Variants in ITGA8 observed in about 807,000 individuals in gnomAD.
The protein encoded by ITGA8 is integrin alpha-8.
ITGA8 carries 91 observed loss-of-function variants against 142.3 expected under a neutral mutation model. That is an observed-to-expected ratio of 0.64 (90% CI 0.54 to 0.76). ITGA8 has a LOEUF of 0.76. Among genes scored for constraint, ITGA8 ranks in the 30% least tolerant of loss-of-function variants. ITGA8 has a pLI of 0.00. For missense variants in ITGA8, 1,406 were observed against 1,327.7 expected, an observed-to-expected ratio of 1.06 and a Z score of -0.92; for synonymous variants, 505 against 485.2, an observed-to-expected ratio of 1.04 and a Z score of -0.54.
At chr10:15,717,375 A>G (rs535627880) in intron 2 of ITGA8, among the ~76,000 whole-genome samples, 2 of 152,316 alleles carry the variant, frequency 1.3e-5, no homozygotes, top group Non-Finnish European at 2.9e-5. Flanking sequence ...AATTATTAAA[A>G]TGGCATTAAT....
At chr10:15,521,031 T>G (rs1407444538) in intron 28 of ITGA8, among the ~76,000 whole-genome samples, 1 of 152,156 alleles carries the variant, frequency 6.6e-6, no homozygotes, top group Non-Finnish European at 1.5e-5. Context: ...GTTTCTTTGT[T>G]TTTGTGAGAC....
At chr10:15,595,133 T>C (rs1832991558) in intron 21 of ITGA8, among the ~76,000 whole-genome samples, 1 of 152,232 alleles carries the variant, frequency 6.6e-6, no homozygotes, top group African/African-American at 2.4e-5. Context: ...TGGAAATGAC[T>C]TTACTATTTA....
At chr10:15,569,784 A>C (rs1834146273) in intron 25 of ITGA8, among the ~76,000 whole-genome samples, 1 of 152,166 alleles carries the variant, frequency 6.6e-6, no homozygotes, top group Non-Finnish European at 1.5e-5. Flanking sequence ...TAAAATTAAA[A>C]ATTTCTCAGA....
intron 28 of ITGA8, among the ~76,000 whole-genome samples, chr10:15,524,607 G>T (rs1833132871): frequency 6.6e-6 from 1 of 152,218 alleles, no homozygotes; most frequent in Admixed American, 6.5e-5. Context: ...GGCATTCCAT[G>T]TGCAGGTGGA....
At chr10:15,656,881 G>A (rs1834195433) in intron 10 of ITGA8, among the ~76,000 whole-genome samples, 1 of 152,188 alleles carries the variant, frequency 6.6e-6, no homozygotes, top group African/African-American at 2.4e-5. Context: ...AGGAGGCAGA[G>A]ACTTTGGTCT....
chr10:15,696,461 C>T (rs1174373367), intron 2 of ITGA8, among the ~76,000 whole-genome samples: 2 of 151,936 alleles, frequency 1.3e-5, no homozygotes, highest in Non-Finnish European at 2.9e-5. Context: ...TCTAAGGATC[C>T]GAACAGGCAT....
In ITGA8 at chr10:15,540,965, C is replaced by T. The variant is rs138154251; in HGVS notation, c.2880+7490G>A. Among the ~76,000 whole-genome samples, 212 of 152,334 alleles carry T rather than the reference C, an allele frequency of 1.4e-3. 1 individual carries two copies. Among genetic ancestry groups the T allele is most frequent in the African/African-American group, 4.8e-3 (199 of 41,586 alleles). ...AAGTTATTGCCCATTTCCATGGCAA[C>T]GACCTGGAAGTTATTGCCCCTTTGC... On this transcript the variant is annotated intron_variant, in intron 27 of 29. Transcript: ENST00000378076.
At chr10:15,661,400 C>T (rs1417949323) in intron 8 of ITGA8, among the ~76,000 whole-genome samples, 14 of 152,296 alleles carry the variant, frequency 9.2e-5, no homozygotes, top group East Asian at 5.8e-4. Flanking sequence ...AAAACGGTTG[C>T]GGATTGCTGA....
Position 15,619,294 on chromosome 10 carries a change from AT to A in ITGA8, c.1400-2736del, listed in dbSNP as rs200456653. Among the ~76,000 whole-genome samples the A allele has an allele frequency of 4.2e-3, 641 of 152,270 alleles. 3 individuals carry two copies. Among genetic ancestry groups the A allele is most frequent in the African/African-American group, 0.015 (604 of 41,554 alleles). ...CTAAGACACAATAATACTTGTTAAA[AT>A]TTAAAAAAAAATGATCTGAAAGTTC... On this transcript the variant is annotated intron_variant, in intron 13 of 29. Coordinates refer to ENST00000378076, the MANE Select transcript of ITGA8 (RefSeq NM_003638.3).
intron 25 of ITGA8, among the ~76,000 whole-genome samples, chr10:15,562,221 T>C (rs1833997427): frequency 6.6e-6 from 1 of 152,104 alleles, no homozygotes; most frequent in African/African-American, 2.4e-5. Context: ...GATAGAGCTA[T>C]TGCGTAGGAA....
intron 13 of ITGA8, among the ~76,000 whole-genome samples, chr10:15,619,430 T>G (rs1192839510): frequency 6.6e-6 from 1 of 152,224 alleles, no homozygotes; most frequent in Non-Finnish European, 1.5e-5. Flanking sequence ...AACATGTGCA[T>G]GCTGATGTTC....
At chr10:15,574,726 C>T (rs186218514) in intron 24 of ITGA8, among the ~76,000 whole-genome samples, 160 of 150,482 alleles carry the variant, frequency 1.1e-3, no homozygotes, top group African/African-American at 3.8e-3. Flanking sequence ...TTTTTTTTAG[C>T]ACAATAATGA....
rs745331218 is a variant in ITGA8, at chr10:15,660,882, T to C, written c.888A>G (p.Gly296=). 1.2e-6 allele frequency: 2 copies of C among 1,613,342 alleles called. No individual in the cohort carries two copies. The highest frequency in any genetic ancestry group is 1.7e-6 in the Non-Finnish European group (2 of 1,179,414). Residue 296 remains glycine (G), a synonymous_variant, in exon 9 of 30, where the codon GGA becomes GGG. Transcript: ENST00000378076. ...AGIPRGAQNF[G]YVSIINSTDM... The stretch of plus-strand genomic sequence containing the variant: ...GTAATGCATTCTCAGTACTCACATA[T>C]CCAAAATTCTGTGCTCCTCTTGGAA...
intron 20 of ITGA8, among the ~76,000 whole-genome samples, chr10:15,597,700 T>C (rs944314409): frequency 1.3e-5 from 2 of 152,194 alleles, no homozygotes; most frequent in African/African-American, 4.8e-5. Context: ...GTATAGATTA[T>C]CATATGATTC....
chr10:15,604,772 A>G (rs1383588856), intron 19 of ITGA8, among the ~76,000 whole-genome samples: 1 of 152,106 alleles, frequency 6.6e-6, no homozygotes, highest in East Asian at 1.9e-4. Context: ...ATACATTAGG[A>G]AGAAAATGGG....
chr10:15,565,241 C>G (rs34455859), intron 25 of ITGA8, among the ~76,000 whole-genome samples: 4,100 of 152,284 alleles, frequency 0.027, 152 homozygotes, highest in East Asian at 0.12. Context: ...ACAGACTGAC[C>G]AGGTCCAGGG....
intron 21 of ITGA8, among the ~76,000 whole-genome samples, chr10:15,593,736 A>G (rs946663138): frequency 1.3e-5 from 2 of 152,172 alleles, no homozygotes; most frequent in Non-Finnish European, 2.9e-5. Flanking sequence ...ATTGCTCCAA[A>G]CAGTCCTACA....
At chr10:15,683,407 G>A in intron 4 of ITGA8, among the ~76,000 whole-genome samples, 1 of 149,412 alleles carries the variant, frequency 6.7e-6, no homozygotes. Context: ...ATGCCCCAAA[G>A]ATGACACTCC....
chr10:15,566,831 G>A (rs1834089241), intron 25 of ITGA8, among the ~76,000 whole-genome samples: 1 of 126,784 alleles, frequency 7.9e-6, no homozygotes, highest in Non-Finnish European at 1.7e-5. Context: ...AAAAAAAAGA[G>A]GCCGGGTGCA....
Sources: gnomAD v4.1 joint callset for allele counts (sites outside exome capture counted in the v4.1 genomes callset) on GRCh38, gnomAD v4.1.1 for gene constraint, MANE v1.5 for transcripts, NCBI Gene and HGNC (gene_info 2026-07-23, HGNC 2026-07-21) for gene names.